The following DGKB variants were observed in gnomAD, a reference collection of about 807,000 sequenced individuals.
DGKB encodes the protein diacylglycerol kinase beta.
In DGKB, 67 loss-of-function variants were observed where a neutral mutation model predicts 114.3. The ratio of observed to expected loss-of-function variants is 0.59; its 90% CI spans 0.48 to 0.72. The LOEUF (loss-of-function observed/expected upper bound fraction) is 0.72, where lower values mean the gene tolerates loss of function less well. Ranked by LOEUF, DGKB falls within the 30% of genes least tolerant of loss-of-function variation. DGKB has a pLI of 0.00. For missense variants in DGKB, 907 were observed against 975.2 expected, an observed-to-expected ratio of 0.93 and a Z score of 0.93; for synonymous variants, 398 against 323.1, an observed-to-expected ratio of 1.23 and a Z score of -2.49.
At chr7:14,273,496 C>T (rs189055102) in intron 23 of DGKB, among the ~76,000 whole-genome samples, 1 of 152,150 alleles carries the variant, frequency 6.6e-6, no homozygotes, top group Non-Finnish European at 1.5e-5. Context: ...GGTCATTGTT[C>T]TATAGTCAGA....
chr7:14,629,145 A>T (rs559259314), intron 14 of DGKB, among the ~76,000 whole-genome samples: 2 of 152,126 alleles, frequency 1.3e-5, no homozygotes, highest in South Asian at 4.1e-4. Flanking sequence ...TGCAAAATTA[A>T]TTCTCTCACA....
intron 23 of DGKB, among the ~76,000 whole-genome samples, chr7:14,313,411 T>TCA (rs1805770893): frequency 1.3e-5 from 2 of 151,804 alleles, no homozygotes; most frequent in Non-Finnish European, 2.9e-5. Flanking sequence ...GGTCAGTGGG[T>TCA]GTGCGCACAG....
intron 21 of DGKB, among the ~76,000 whole-genome samples, chr7:14,398,315 C>G (rs1822555184): frequency 6.6e-6 from 1 of 151,936 alleles, no homozygotes; most frequent in African/African-American, 2.4e-5. Context: ...TTGAGACTGT[C>G]CTTGTGAATA....
intron 19 of DGKB, among the ~76,000 whole-genome samples, chr7:14,576,716 G>A (rs1799174158): frequency 6.6e-6 from 1 of 152,160 alleles, no homozygotes; most frequent in African/African-American, 2.4e-5. Flanking sequence ...ACCTAACCGG[G>A]AGAGAACATG....
At chr7:14,861,123 A>G (rs1415341946) in intron 1 of DGKB, among the ~76,000 whole-genome samples, 1 of 152,022 alleles carries the variant, frequency 6.6e-6, no homozygotes, top group Non-Finnish European at 1.5e-5. Context: ...ATATGTGTGT[A>G]ATAAATCCTA....
At chr7:14,340,511 G>A (rs1811438713) in intron 22 of DGKB, among the ~76,000 whole-genome samples, 1 of 151,222 alleles carries the variant, frequency 6.6e-6, no homozygotes, top group Admixed American at 6.6e-5. Context: ...GATTACCACA[G>A]GGAATTCCCA....
intron 1 of DGKB, among the ~76,000 whole-genome samples, chr7:14,944,528 A>T (rs900003320): frequency 6.6e-6 from 1 of 151,962 alleles, no homozygotes; most frequent in African/African-American, 2.4e-5. Flanking sequence ...CTTGAGAAGT[A>T]AATCACATAA....
At chr7:14,872,718 A>G (rs1852656673) in intron 1 of DGKB, among the ~76,000 whole-genome samples, 1 of 151,570 alleles carries the variant, frequency 6.6e-6, no homozygotes, top group South Asian at 2.1e-4. Flanking sequence ...ACTCAAGGAC[A>G]CTCTTGTAGC....
At position 14,245,444 on chromosome 7, in the gene DGKB, C is replaced by T. The variant is rs528704439; in HGVS notation, c.2123-67293G>A. On this transcript the variant is annotated intron_variant, in intron 23 of 25. Coordinates refer to ENST00000402815, the MANE Select transcript of DGKB (RefSeq NM_001350709.2). ...GGAGCTGAATAAGCCAGGTAAGCATCGGAAAAGGGATATCACAGAGGTAGA... is the reference window on the plus strand; with the variant it reads ...GGAGCTGAATAAGCCAGGTAAGCATTGGAAAAGGGATATCACAGAGGTAGA... Among the ~76,000 whole-genome samples the T allele has an allele frequency of 3.9e-5, 6 of 152,076 alleles. No homozygotes were observed. The East Asian group carries it at 5.8e-4, about 15-fold the overall frequency.
chr7:14,724,932 G>T (rs1254513085), intron 5 of DGKB, among the ~76,000 whole-genome samples: 1 of 152,162 alleles, frequency 6.6e-6, no homozygotes, highest in Non-Finnish European at 1.5e-5. Flanking sequence ...TGTTTTGGGA[G>T]GCCAAGGCAA....
chr7:14,306,627 T>A (rs1351726795), intron 23 of DGKB, among the ~76,000 whole-genome samples: 7 of 152,142 alleles, frequency 4.6e-5, no homozygotes, highest in Non-Finnish European at 8.8e-5. Context: ...CCTGCATCCT[T>A]TGGCTCTGCG....
At chr7:14,330,842 C>G (rs186022870) in intron 23 of DGKB, among the ~76,000 whole-genome samples, 47 of 151,990 alleles carry the variant, frequency 3.1e-4, no homozygotes, top group African/African-American at 1.0e-3. Flanking sequence ...ATTAATGCTT[C>G]TCGATAATGC....
At chr7:14,743,387 T>C (rs1012837978) in intron 4 of DGKB, among the ~76,000 whole-genome samples, 2 of 152,172 alleles carry the variant, frequency 1.3e-5, no homozygotes, top group Admixed American at 6.5e-5. Flanking sequence ...TATTTTAAAA[T>C]TTTTGAGTCA....
chr7:14,468,762 G>C (rs1780852765), intron 21 of DGKB, among the ~76,000 whole-genome samples: 1 of 151,808 alleles, frequency 6.6e-6, no homozygotes, highest in Non-Finnish European at 1.5e-5. Flanking sequence ...ACTTAAACTT[G>C]AATTATTCTT....
rs1563944579 is a variant in DGKB, at chr7:14,697,966, AAAG to A, written c.591+126_591+128del. ...AACAGAAAGGGAGATAGAAGGAAGG[AAAG>A]AAAGAAAGAAAGAGAGAGAGAAAGA... On this transcript the variant is annotated intron_variant, in intron 8 of 25. Coordinates refer to ENST00000402815, the MANE Select transcript of DGKB (RefSeq NM_001350709.2). The A allele has an allele frequency of 2.0e-4, 118 of 579,350 alleles. No individual in the cohort carries two copies. The African/African-American group carries it at 2.4e-3, about 12-fold the overall frequency. The allele number at this position is 579,350 out of a possible 1,614,324, so 35.9% of individuals were successfully genotyped here. A position where few individuals can be genotyped will look rare whatever the true frequency, so the allele number is the denominator to read the frequency against.
At position 14,281,454 on chromosome 7, in the gene DGKB, A is replaced by G. The variant is rs374787605; in HGVS notation, c.2122+57061T>C. 3.7e-3 allele frequency among the ~76,000 whole-genome samples: 537 copies of G among 144,080 alleles called. 7 individuals carry two copies. Among genetic ancestry groups the G allele is most frequent in the African/African-American group, 0.014 (498 of 36,732 alleles). The allele number at this position is 144,080 out of a possible 152,430, so 94.5% of individuals were successfully genotyped here. ...ACTGTCAACATTAGACAGATCAATG[A>G]GACAGAAAGTCAACAAGGATACCCA... On this transcript the variant is annotated intron_variant, in intron 23 of 25. Transcript: ENST00000402815.
At chr7:14,695,492 C>CTCTTTTTT (rs1823670420) in intron 8 of DGKB, among the ~76,000 whole-genome samples, 2 of 73,362 alleles carry the variant, frequency 2.7e-5, no homozygotes, top group African/African-American at 6.0e-5. Flanking sequence ...CTCTCTCTCT[C>CTCTTTTTT]TCTTTTTTTT....
At chr7:14,740,345 C>T (rs1189181325) in intron 4 of DGKB, among the ~76,000 whole-genome samples, 2 of 151,748 alleles carry the variant, frequency 1.3e-5, no homozygotes, top group African/African-American at 4.8e-5. Context: ...TGATTTTGCA[C>T]CAACCTAGTA....
In DGKB at chr7:14,625,257, T is replaced by A. The variant is rs566585387; in HGVS notation, c.1168-3763A>T. ...TGATTTCTTTGGGGAAAAATGCAAATGTGTGGAATTTGTGCAATTAATCCA... is the reference window on the plus strand; with the variant it reads ...TGATTTCTTTGGGGAAAAATGCAAAAGTGTGGAATTTGTGCAATTAATCCA... On this transcript the variant is annotated intron_variant, in intron 14 of 25. Coordinates refer to ENST00000402815, the MANE Select transcript of DGKB (RefSeq NM_001350709.2). 8.6e-5 allele frequency among the ~76,000 whole-genome samples: 13 copies of A among 152,044 alleles called. No individual in the cohort carries two copies. The South Asian group carries it at 2.5e-3, about 29-fold the overall frequency.
Sources: allele counts gnomAD v4.1 joint callset (sites outside exome capture counted in the v4.1 genomes callset), GRCh38; gene constraint gnomAD v4.1.1; transcripts MANE v1.5; gene names NCBI Gene and HGNC (gene_info 2026-07-23, HGNC 2026-07-21).